The following SLC6A3 variants were observed in gnomAD, a reference collection of about 807,000 sequenced individuals.
SLC6A3 encodes the protein solute carrier family 6 member 3.
A neutral mutation model predicts 70.4 loss-of-function variants in SLC6A3; 19 were observed. The ratio of observed to expected loss-of-function variants is 0.27; its 90% CI spans 0.19 to 0.40. The LOEUF (loss-of-function observed/expected upper bound fraction) is 0.40. Ranked by LOEUF, SLC6A3 falls within the 10% of genes least tolerant of loss-of-function variation. SLC6A3 has a pLI of 1.00. For synonymous variants in SLC6A3, 368 were observed against 356.6 expected, an observed-to-expected ratio of 1.03 and a Z score of -0.36; for missense variants, 613 against 838.5, an observed-to-expected ratio of 0.73 and a Z score of 3.32.
In SLC6A3 at chr5:1,415,151, G is replaced by A. The variant is rs372244279; in HGVS notation, c.1032-336C>T. Among the ~76,000 whole-genome samples the A allele has an allele frequency of 1.6e-4, 24 of 152,114 alleles. No individual in the cohort carries two copies. In the South Asian group the frequency reaches 1.7e-3, roughly 11 times the overall value. ...GGAGCACACACCTCCCGGGGACCTC[G>A]CTAAGATGCAGATCCTGACTGGGCG... is the stretch of plus-strand genomic sequence containing the variant. On this transcript the variant is annotated intron_variant, in intron 7 of 14. Transcript: ENST00000270349.
rs1352510892 is a variant in SLC6A3, at chr5:1,405,066, T to C, written c.1599+1122A>G. On this transcript the variant is annotated intron_variant, in intron 12 of 14. Coordinates refer to ENST00000270349, the MANE Select transcript of SLC6A3 (RefSeq NM_001044.5). The surrounding 1 kb of genome is among the most constrained non-coding windows in gnomAD (Gnocchi z 5.3). The stretch of plus-strand genomic sequence containing the variant: ...TCACTTTCCCCTCTGAACAGCCATG[T>C]AGTCTGTGTGCTATTAAAAGCCCGC... Among the ~76,000 whole-genome samples, 1 of 152,234 alleles carries C rather than the reference T, an allele frequency of 6.6e-6. No homozygotes were observed. The highest frequency in any genetic ancestry group is 1.5e-5 in the Non-Finnish European group (1 of 68,038).
At position 1,406,805 on chromosome 5, in the gene SLC6A3, C is replaced by A. The variant is rs1213917708; in HGVS notation, c.1499-517G>T. On this transcript the variant is annotated intron_variant, in intron 11 of 14. Transcript: ENST00000270349. The surrounding 1 kb of genome is among the most constrained non-coding windows in gnomAD (Gnocchi z 8.8). ...TCATGAAACGCCAACTCCTCCCGAC[C>A]CCCAACCCCCGCCAGGCCCCAGCAC... is the stretch of plus-strand genomic sequence containing the variant. Among the ~76,000 whole-genome samples the A allele has an allele frequency of 6.6e-6, 1 of 152,146 alleles. No homozygotes were observed. The highest frequency in any genetic ancestry group is 1.5e-5 in the Non-Finnish European group (1 of 68,028).
rs746327265 is a variant in SLC6A3 at position 1,402,931 on chromosome 5, G to A, written c.1758C>T (p.Ser586=). 3 of 1,613,628 alleles carry A rather than the reference G, an allele frequency of 1.9e-6. No individual in the cohort carries two copies. Among genetic ancestry groups the A allele is most frequent in the South Asian group, 2.2e-5 (2 of 91,054 alleles). The change falls in exon 13 of 15, where the codon TCC becomes TCT. Residue 586 remains serine (S), a synonymous_variant. Coordinates refer to ENST00000270349, the MANE Select transcript of SLC6A3 (RefSeq NM_001044.5). This position sits in a 1 kb window ranked among gnomAD's most constrained non-coding sequence, Gnocchi z 8.5. ...CCGTCCAAATACCCACCTCTCGAAA[G>A]GACCCAGGCAGGCTGCAGAACTTGT... ...AAYKFCSLPG[S]FREKLAYAIA...
At position 1,443,172 on chromosome 5, in the gene SLC6A3, C is replaced by G. The variant is rs750656157; in HGVS notation, c.26G>C (p.Gly9Ala). Residue 9 changes from glycine to alanine, a missense_variant, in exon 2 of 15, where the codon GGA becomes GCA. Gly to Ala is a moderately conservative substitution (Grantham distance 60). This residue lies in a region of SLC6A3 where 111 missense variants were observed against 91.6 expected (regional missense o/e 1.21). Coordinates refer to ENST00000270349, the MANE Select transcript of SLC6A3 (RefSeq NM_001044.5). MSKSKCSVGLMSSVVAPAK... is the reference protein window; with the variant it reads MSKSKCSVALMSSVVAPAK... ...CGGGGCCACCACGGAAGACATGAGT[C>G]CCACGGAGCATTTGCTCTTACTCAT... 5 of 1,614,234 alleles carry G rather than the reference C, an allele frequency of 3.1e-6. No individual in the cohort carries two copies. Among genetic ancestry groups the G allele is most frequent in the Non-Finnish European group, 3.4e-6 (4 of 1,180,032 alleles).
Position 1,406,540 on chromosome 5 carries a change from C to T in SLC6A3, c.1499-252G>A, listed in dbSNP as rs1452844234. Among the ~76,000 whole-genome samples the T allele has an allele frequency of 1.3e-5, 2 of 152,210 alleles. No homozygotes were observed. Among genetic ancestry groups the T allele is most frequent in the Non-Finnish European group, 2.9e-5 (2 of 68,028 alleles). On this transcript the variant is annotated intron_variant, in intron 11 of 14. Coordinates refer to ENST00000270349, the MANE Select transcript of SLC6A3 (RefSeq NM_001044.5). The surrounding 1 kb of genome is among the most constrained non-coding windows in gnomAD (Gnocchi z 8.8). ...GAGCCGTGCCCCGGTGGGTGCTCCC[C>T]GCGCCCCGGCAACAGCCCCTCGGGT...
chr5:1,414,202 G>C (rs568881756), intron 8 of SLC6A3, among the ~76,000 whole-genome samples: 2 of 151,844 alleles, frequency 1.3e-5, no homozygotes, highest in African/African-American at 4.8e-5. Context: ...TTCCCACACC[G>C]CGTGGCAAGC....
At chr5:1,434,598 A>G (rs1756785241) in intron 3 of SLC6A3, among the ~76,000 whole-genome samples, 1 of 149,184 alleles carries the variant, frequency 6.7e-6, no homozygotes, top group Admixed American at 6.7e-5. Context: ...ACTGGGGTTC[A>G]CTTTACTAAG....
rs1756434073 is a variant in SLC6A3 at position 1,421,455 on chromosome 5, A to G, written c.792+421T>C. On this transcript the variant is annotated intron_variant, in intron 5 of 14. Transcript: ENST00000270349. The surrounding 1 kb of genome is among the most constrained non-coding windows in gnomAD (Gnocchi z 7.2). ...GCCTCCCAAAGTATTTTTATCAACA[A>G]AAAAATCATCTTGTGTGTGCCTTCC... Among the ~76,000 whole-genome samples the G allele has an allele frequency of 6.6e-6, 1 of 152,212 alleles. No individual in the cohort carries two copies. Among genetic ancestry groups the G allele is most frequent in the Non-Finnish European group, 1.5e-5 (1 of 68,006 alleles).
At position 1,413,950 on chromosome 5, in the gene SLC6A3, C is replaced by T. The variant is rs1376977279; in HGVS notation, c.1156+741G>A. 3.3e-5 allele frequency among the ~76,000 whole-genome samples: 5 copies of T among 152,174 alleles called. No individual in the cohort carries two copies. The highest frequency in any genetic ancestry group is 1.9e-4 in the East Asian group (1 of 5,192). On this transcript the variant is annotated intron_variant, in intron 8 of 14. Coordinates refer to ENST00000270349, the MANE Select transcript of SLC6A3 (RefSeq NM_001044.5). The surrounding 1 kb of genome is among the most constrained non-coding windows in gnomAD (Gnocchi z 7.1). ...CACTTCTTGCTGTGGCCAAGGCCTCCCCCCACCACTCACCTGTGCCTGCCC... is the reference window on the plus strand; with the variant it reads ...CACTTCTTGCTGTGGCCAAGGCCTCTCCCCACCACTCACCTGTGCCTGCCC...
Position 1,409,857 on chromosome 5 carries a change from C to G in SLC6A3, c.1270-8G>C, listed in dbSNP as rs1358431523. On this transcript the variant is annotated splice_region_variant and splice_polypyrimidine_tract_variant and intron_variant, in intron 9 of 14. Coordinates refer to ENST00000270349, the MANE Select transcript of SLC6A3 (RefSeq NM_001044.5). The stretch of plus-strand genomic sequence containing the variant: ...TGACTCCATACCACCCATCTGCACA[C>G]AGAGCACAGGGTCGGGCTGCAGGCT... 6.2e-7 allele frequency: 1 copy of G among 1,613,008 alleles called. No individual in the cohort carries two copies. Among genetic ancestry groups the G allele is most frequent in the Admixed American group, 1.7e-5 (1 of 60,014 alleles).
chr5:1,408,970 G>T lies in SLC6A3; in HGVS notation c.1498+56C>A. 1 of 1,241,002 alleles carries T rather than the reference G, an allele frequency of 8.1e-7. No individual in the cohort carries two copies. 76.9% of individuals were successfully genotyped at this position (1,241,002 alleles called of 1,614,324 possible). A position where few individuals can be genotyped will look rare whatever the true frequency, so the allele number is the denominator to read the frequency against. On this transcript the variant is annotated intron_variant, in intron 11 of 14. Coordinates refer to ENST00000270349, the MANE Select transcript of SLC6A3 (RefSeq NM_001044.5). The surrounding 1 kb of genome is among the most constrained non-coding windows in gnomAD (Gnocchi z 6.4). ...TCACGGAGCCTTTTTCAGAAGGGGA[G>T]TGGCACAGCCACCAAACAAGAGGGT...
At chr5:1,403,988 T>C (rs375915246) in intron 12 of SLC6A3, among the ~76,000 whole-genome samples, 32 of 152,394 alleles carry the variant, frequency 2.1e-4, no homozygotes, top group African/African-American at 7.2e-4. Flanking sequence ...ATGTGTTCTG[T>C]GTACCTGGGT....
chr5:1,395,860 G>C (rs1755705179), intron 14 of SLC6A3, among the ~76,000 whole-genome samples: 1 of 152,238 alleles, frequency 6.6e-6, no homozygotes, highest in Non-Finnish European at 1.5e-5. Context: ...GTCCCCTCTG[G>C]AGGGAGGTGT....
In SLC6A3 at chr5:1,422,025, G is replaced by C; in HGVS notation, c.654-11C>G. On this transcript the variant is annotated splice_polypyrimidine_tract_variant and intron_variant, in intron 4 of 14. Transcript: ENST00000270349. The stretch of plus-strand genomic sequence containing the variant: ...TGCAGCACGCCACGTCTGCAGAGGG[G>C]AGTCAGCGGGGGACTCTGTGGGTGG... The C allele has an allele frequency of 6.2e-7, 1 of 1,609,392 alleles. No homozygotes were observed. Among genetic ancestry groups the C allele is most frequent in the Non-Finnish European group, 8.5e-7 (1 of 1,179,606 alleles).
rs1431372252 is a variant in SLC6A3, at chr5:1,441,495, G to A, written c.287-5C>T. On this transcript the variant is annotated splice_region_variant and splice_polypyrimidine_tract_variant and intron_variant, in intron 2 of 14. Coordinates refer to ENST00000270349, the MANE Select transcript of SLC6A3 (RefSeq NM_001044.5). ...GGTAGGGGACCAGGAAGGCACCTGT[G>A]GGGCAGAAAAGCACCTTTAGTTTGG... 5 of 1,613,788 alleles carry A rather than the reference G, an allele frequency of 3.1e-6. No homozygotes were observed. The highest frequency in any genetic ancestry group is 4.2e-6 in the Non-Finnish European group (5 of 1,179,878).
rs1042166894 is a variant in SLC6A3, at chr5:1,396,466, C to T, written c.1840-1708G>A. The stretch of plus-strand genomic sequence containing the variant: ...TCGAGGGAGTTTCTAGATTGCAGCA[C>T]AGGGAGGGTGCAGCCTGGTGGACTC... On this transcript the variant is annotated intron_variant, in intron 14 of 14. Coordinates refer to ENST00000270349, the MANE Select transcript of SLC6A3 (RefSeq NM_001044.5). The surrounding 1 kb of genome is among the most constrained non-coding windows in gnomAD (Gnocchi z 7.0). Among the ~76,000 whole-genome samples the T allele has an allele frequency of 3.9e-5, 6 of 152,220 alleles. No homozygotes were observed. Among genetic ancestry groups the T allele is most frequent in the Admixed American group, 2.0e-4 (3 of 15,284 alleles).
At chr5:1,412,330 G>T (rs1025875241) in intron 8 of SLC6A3, among the ~76,000 whole-genome samples, 16 of 152,220 alleles carry the variant, frequency 1.1e-4, no homozygotes, top group Non-Finnish European at 1.8e-4. Context: ...GGGGCCCTGA[G>T]GGCTCAGAGG....
At chr5:1,395,231 C>A (rs551678863) in intron 14 of SLC6A3, among the ~76,000 whole-genome samples, 1 of 152,204 alleles carries the variant, frequency 6.6e-6, no homozygotes, top group Admixed American at 6.5e-5. Flanking sequence ...TTGCTCTCTG[C>A]GACCCGCGCG....
rs1342539430 is a variant in SLC6A3, at chr5:1,401,726, G to A, written c.1768-740C>T. Among the ~76,000 whole-genome samples, 2 of 152,208 alleles carry A rather than the reference G, an allele frequency of 1.3e-5. No individual in the cohort carries two copies. Among genetic ancestry groups the A allele is most frequent in the African/African-American group, 2.4e-5 (1 of 41,450 alleles). On this transcript the variant is annotated intron_variant, in intron 13 of 14. Coordinates refer to ENST00000270349, the MANE Select transcript of SLC6A3 (RefSeq NM_001044.5). This position sits in a 1 kb window ranked among gnomAD's most constrained non-coding sequence, Gnocchi z 6.1. ...GTAAGGGCGCTGGCTGTTCAGGTCC[G>A]CCGGGCTGTAGGCATCCTCCAGCTC...
Sources: allele counts gnomAD v4.1 joint callset (sites outside exome capture counted in the v4.1 genomes callset), GRCh38; gene constraint gnomAD v4.1.1; regional missense constraint gnomAD v4.1.1; non-coding constraint Gnocchi (gnomAD v3.1); transcripts MANE v1.5; gene names NCBI Gene and HGNC (gene_info 2026-07-23, HGNC 2026-07-21).